Variants in NRXN3 observed in about 807,000 individuals in gnomAD.
The protein encoded by NRXN3 is neurexin III.
NRXN3 carries 32 observed loss-of-function variants against 137.6 expected under a neutral mutation model. The ratio of observed to expected loss-of-function variants is 0.23; its 90% CI spans 0.18 to 0.31. The LOEUF (loss-of-function observed/expected upper bound fraction) is 0.31, where lower values mean the gene tolerates loss of function less well. Among genes scored for constraint, NRXN3 ranks in the 10% least tolerant of loss-of-function variants. The pLI, the probability that NRXN3 is intolerant of heterozygous loss-of-function variation, is 1.00. For missense variants in NRXN3, 1,574 were observed against 2,062.5 expected, an observed-to-expected ratio of 0.76 and a Z score of 4.59; for synonymous variants, 798 against 784.5, an observed-to-expected ratio of 1.02 and a Z score of -0.29.
In NRXN3 at chr14:78,545,188, G is replaced by A. The variant is rs573659502; in HGVS notation, c.758-99932G>A. Reference sequence around the variant, plus strand: ...GAACCAGAACTGACAGGAGCAATAGGGTGCATTGCTAACTGGCACCCTGTG... The same window carrying A: ...GAACCAGAACTGACAGGAGCAATAGAGTGCATTGCTAACTGGCACCCTGTG... On this transcript the variant is annotated intron_variant, in intron 4 of 20. Transcript: ENST00000335750. Among the ~76,000 whole-genome samples, 37 of 152,210 alleles carry A rather than the reference G, an allele frequency of 2.4e-4. No individual in the cohort carries two copies. The South Asian group carries it at 6.6e-3, about 27-fold the overall frequency.
At chr14:78,532,652 TC>T (rs1237498223) in intron 4 of NRXN3, among the ~76,000 whole-genome samples, 2 of 152,108 alleles carry the variant, frequency 1.3e-5, no homozygotes, top group African/African-American at 4.8e-5. Context: ...CTTAGAATCA[TC>T]TTTCCTGTGT....
At chr14:78,894,863 T>C (rs532678228) in intron 10 of NRXN3, among the ~76,000 whole-genome samples, 2 of 151,450 alleles carry the variant, frequency 1.3e-5, no homozygotes, top group South Asian at 4.2e-4. Context: ...AGGTGCATTG[T>C]CAATGAATAG....
Position 78,657,720 on chromosome 14 carries a change from C to T in NRXN3, c.1221+6394C>T, listed in dbSNP as rs557877821. ...TTACATTTTATAGAACCCTGATAGG[C>T]GTCCACATCTGGTGAGCCAAGCTAT... On this transcript the variant is annotated intron_variant, in intron 6 of 20. Transcript: ENST00000335750. Among the ~76,000 whole-genome samples, 8 of 152,270 alleles carry T rather than the reference C, an allele frequency of 5.3e-5. No homozygotes were observed. The East Asian group carries it at 9.7e-4, about 18-fold the overall frequency.
At chr14:79,483,881 T>C (rs894672674) in intron 16 of NRXN3, among the ~76,000 whole-genome samples, 4 of 152,074 alleles carry the variant, frequency 2.6e-5, no homozygotes, top group Non-Finnish European at 5.9e-5. Context: ...TCTTATAAAT[T>C]TGGACATTGA....
chr14:79,252,116 G>A (rs2076014012), intron 15 of NRXN3, among the ~76,000 whole-genome samples: 2 of 152,198 alleles, frequency 1.3e-5, no homozygotes, highest in African/African-American at 4.8e-5. Context: ...TTAGTTGACA[G>A]TTAAATATCC....
intron 17 of NRXN3, among the ~76,000 whole-genome samples, chr14:79,687,081 C>G (rs1399516653): frequency 6.6e-6 from 1 of 152,226 alleles, no homozygotes; most frequent in Non-Finnish European, 1.5e-5. Context: ...AGGATCAAAG[C>G]TCACAACATA....
chr14:79,209,997 G>T (rs1303462239), intron 15 of NRXN3, among the ~76,000 whole-genome samples: 2 of 152,160 alleles, frequency 1.3e-5, no homozygotes, highest in African/African-American at 2.4e-5. Context: ...TGGTCATTTG[G>T]TTATAAGCGT....
chr14:79,167,842 T>A (rs936762604), intron 15 of NRXN3, among the ~76,000 whole-genome samples: 12 of 151,946 alleles, frequency 7.9e-5, no homozygotes, highest in African/African-American at 2.7e-4. Flanking sequence ...GCCAGCATTA[T>A]CTGCAGATAT....
intron 4 of NRXN3, among the ~76,000 whole-genome samples, chr14:78,358,415 A>G (rs2084642600): frequency 6.6e-6 from 1 of 152,210 alleles, no homozygotes; most frequent in African/African-American, 2.4e-5. Context: ...AGATTTACCT[A>G]CAAAGCATTC....
At chr14:79,131,916 A>T (rs1274703077) in intron 15 of NRXN3, among the ~76,000 whole-genome samples, 2 of 152,248 alleles carry the variant, frequency 1.3e-5, no homozygotes, top group African/African-American at 4.8e-5. Context: ...AAAACACAGT[A>T]TTCGGGTGGG....
chr14:78,848,090 G>T (rs957443782), intron 10 of NRXN3, among the ~76,000 whole-genome samples: 2 of 152,112 alleles, frequency 1.3e-5, no homozygotes, highest in Non-Finnish European at 2.9e-5. Context: ...CCAAGGCTCA[G>T]TCTCACTGCA....
chr14:79,545,969 G>T (rs2097315577), intron 16 of NRXN3, among the ~76,000 whole-genome samples: 1 of 152,038 alleles, frequency 6.6e-6, no homozygotes, highest in African/African-American at 2.4e-5. Context: ...ATTTCCCAGG[G>T]TGTTCTCCTG....
rs776694229 is a variant in NRXN3 at position 78,566,201 on chromosome 14, G to A, written c.758-78919G>A. ...AGACTCTCTAAAAACAGGTGCCCCC[G>A]ATGATCTCACACTGCTGCTGGCATT... On this transcript the variant is annotated intron_variant, in intron 4 of 20. Coordinates refer to ENST00000335750, the MANE Select transcript of NRXN3 (RefSeq NM_001330195.2). Among the ~76,000 whole-genome samples the A allele has an allele frequency of 1.3e-5, 2 of 151,810 alleles. 1 individual carries two copies. Among genetic ancestry groups the A allele is most frequent in the Middle Eastern group, 6.3e-3 (2 of 316 alleles).
intron 4 of NRXN3, among the ~76,000 whole-genome samples, chr14:78,504,762 C>T (rs2095950978): frequency 6.6e-6 from 1 of 152,140 alleles, no homozygotes; most frequent in Admixed American, 6.5e-5. Context: ...CTATGTGCCA[C>T]ACCCTATCTA....
At chr14:78,276,281 C>T (rs1420086011) in intron 2 of NRXN3, among the ~76,000 whole-genome samples, 1 of 152,132 alleles carries the variant, frequency 6.6e-6, no homozygotes, top group African/African-American at 2.4e-5. Context: ...TCTGTTCGCC[C>T]CCTCACTTCA....
intron 1 of NRXN3, among the ~76,000 whole-genome samples, chr14:78,181,594 G>A (rs748790552): frequency 7.9e-5 from 12 of 152,146 alleles, no homozygotes; most frequent in Non-Finnish European, 1.6e-4. Flanking sequence ...CCCTCAGGGA[G>A]GAGGGGATGA....
chr14:79,132,936 C>A (rs2057746809), intron 15 of NRXN3, among the ~76,000 whole-genome samples: 1 of 152,182 alleles, frequency 6.6e-6, no homozygotes, highest in Admixed American at 6.5e-5. Flanking sequence ...CAAAGTCTTT[C>A]TACCCCATCA....
At chr14:79,384,333 T>C (rs2094546883) in intron 15 of NRXN3, among the ~76,000 whole-genome samples, 1 of 152,124 alleles carries the variant, frequency 6.6e-6, no homozygotes, top group Non-Finnish European at 1.5e-5. Context: ...AGTCAGTTAA[T>C]GTCTAGGATA....
chr14:78,947,625 C>A (rs1450921570), intron 10 of NRXN3, among the ~76,000 whole-genome samples: 2 of 152,156 alleles, frequency 1.3e-5, no homozygotes, highest in Non-Finnish European at 2.9e-5. Flanking sequence ...TCCCAAAAGT[C>A]CTCCATGGTT....
Sources: allele counts gnomAD v4.1 joint callset (sites outside exome capture counted in the v4.1 genomes callset), GRCh38; gene constraint gnomAD v4.1.1; transcripts MANE v1.5; gene names NCBI Gene and HGNC (gene_info 2026-07-23, HGNC 2026-07-21).